Variants in PTPRK observed in about 807,000 individuals in gnomAD.
The protein encoded by PTPRK is receptor-type tyrosine-protein phosphatase kappa.
Under a neutral mutation model 178.0 loss-of-function variants are expected in PTPRK, and 75 were observed. The ratio of observed to expected loss-of-function variants is 0.42; its 90% CI spans 0.35 to 0.51. The LOEUF (loss-of-function observed/expected upper bound fraction) is 0.51, where lower values mean the gene tolerates loss of function less well. Ranked by LOEUF, PTPRK falls within the 20% of genes least tolerant of loss-of-function variation. PTPRK has a pLI of 0.02. For missense variants in PTPRK, 1,441 were observed against 1,797.8 expected (o/e 0.80, Z 3.59); for synonymous variants, 637 against 620.6 (o/e 1.03, Z -0.39).
intron 13 of PTPRK, among the ~76,000 whole-genome samples, chr6:128,043,881 A>T (rs2114846088): frequency 6.6e-6 from 1 of 152,052 alleles, no homozygotes; most frequent in East Asian, 1.9e-4. Flanking sequence ...AGTATTCTGT[A>T]TATGACACAT....
At chr6:128,102,610 A>G (rs139278810) in intron 7 of PTPRK, among the ~76,000 whole-genome samples, 150 of 152,290 alleles carry the variant, frequency 9.8e-4, no homozygotes, top group African/African-American at 3.5e-3. Context: ...ATCTACTACT[A>G]TATCCATTCA....
chr6:128,270,763 T>C (rs1819681097), intron 3 of PTPRK, among the ~76,000 whole-genome samples: 1 of 151,578 alleles, frequency 6.6e-6, no homozygotes. Flanking sequence ...CAAAATGCTA[T>C]TCAGAAAATT....
chr6:127,977,107 G>A lies in PTPRK; in HGVS notation c.3712-53C>T, dbSNP rs565322057. 2,181 of 1,564,080 alleles carry A rather than the reference G, an allele frequency of 1.4e-3. 4 individuals carry two copies. Among genetic ancestry groups the A allele is most frequent in the Non-Finnish European group, 1.8e-3 (2,027 of 1,136,602 alleles). On this transcript the variant is annotated intron_variant, in intron 25 of 29. Coordinates refer to ENST00000368226, the MANE Select transcript of PTPRK (RefSeq NM_002844.4). ...ATATAAAAACTTAAAATGTATGATC[G>A]GTTGTACAAACAGATACAATACACT...
chr6:128,157,867 T>A (rs1292331676), intron 7 of PTPRK, among the ~76,000 whole-genome samples: 1 of 152,052 alleles, frequency 6.6e-6, no homozygotes, highest in Non-Finnish European at 1.5e-5. Flanking sequence ...TTGCAAAAAT[T>A]TTCTCCCATT....
At chr6:128,157,837 C>T (rs538087238) in intron 7 of PTPRK, among the ~76,000 whole-genome samples, 129 of 152,028 alleles carry the variant, frequency 8.5e-4, no homozygotes, top group African/African-American at 3.1e-3. Flanking sequence ...TGGATATTAG[C>T]CCTTTGTCAG....
chr6:128,431,686 T>C (rs1353548074), intron 1 of PTPRK, among the ~76,000 whole-genome samples: 1 of 152,226 alleles, frequency 6.6e-6, no homozygotes, highest in African/African-American at 2.4e-5. Flanking sequence ...TTTTTCTTTC[T>C]TCCTTTCTTA....
chr6:128,026,420 T>C (rs1232188073), intron 13 of PTPRK, among the ~76,000 whole-genome samples: 1 of 152,184 alleles, frequency 6.6e-6, no homozygotes, highest in Non-Finnish European at 1.5e-5. Flanking sequence ...GAAAGAGGGA[T>C]GAAAATCACT....
At chr6:128,276,185 A>G (rs1347685318) in intron 3 of PTPRK, among the ~76,000 whole-genome samples, 3 of 152,220 alleles carry the variant, frequency 2.0e-5, no homozygotes, top group South Asian at 4.1e-4. Context: ...TTGAGGCAAC[A>G]CATATAAAGT....
At chr6:128,435,325 G>A (rs942419046) in intron 1 of PTPRK, among the ~76,000 whole-genome samples, 1 of 152,146 alleles carries the variant, frequency 6.6e-6, no homozygotes, top group African/African-American at 2.4e-5. Context: ...GTTTGCAATG[G>A]ACATCCTGAC....
intron 29 of PTPRK, 57 bp downstream of exon 29, chr6:127,972,965 G>A: frequency 1.3e-6 from 2 of 1,524,442 alleles, no homozygotes; most frequent in Admixed American, 1.7e-5. Context: ...TCAATAAGTA[G>A]GTATATGACT....
At chr6:128,464,323 A>G (rs1486502794) in intron 1 of PTPRK, among the ~76,000 whole-genome samples, 1 of 151,788 alleles carries the variant, frequency 6.6e-6, no homozygotes, top group African/African-American at 2.4e-5. Context: ...GACATAAACT[A>G]GATGAAAGCT....
intron 2 of PTPRK, among the ~76,000 whole-genome samples, chr6:128,346,885 C>T (rs1832502199): frequency 6.6e-6 from 1 of 152,186 alleles, no homozygotes; most frequent in Middle Eastern, 3.4e-3. Flanking sequence ...TGCTTGCTAT[C>T]CCTATAAAAA....
intron 13 of PTPRK, among the ~76,000 whole-genome samples, chr6:128,021,619 A>G (rs1773529217): frequency 6.6e-6 from 1 of 152,160 alleles, no homozygotes; most frequent in South Asian, 2.1e-4. Context: ...CAGCCTGGGT[A>G]TCAGAGCGAG....
At chr6:128,329,151 C>T (rs1326308574) in intron 2 of PTPRK, among the ~76,000 whole-genome samples, 2 of 152,032 alleles carry the variant, frequency 1.3e-5, no homozygotes, top group Admixed American at 6.6e-5. Context: ...ATCTTTTTAT[C>T]GCTCTGCTCT....
chr6:128,173,512 T>A (rs541473124), intron 7 of PTPRK, among the ~76,000 whole-genome samples: 2 of 152,128 alleles, frequency 1.3e-5, no homozygotes, highest in African/African-American at 4.8e-5. Context: ...AATCTGTATA[T>A]CCTGCTGTCT....
intron 1 of PTPRK, among the ~76,000 whole-genome samples, chr6:128,492,265 C>T (rs527239305): frequency 4.5e-4 from 69 of 152,276 alleles, no homozygotes; most frequent in African/African-American, 1.6e-3. Flanking sequence ...GGTCTCAATG[C>T]TGATATCCCC....
rs752879067 is a variant in PTPRK, at chr6:127,973,145, C to T, written c.4146G>A (p.Gly1382=). 17 of 1,613,386 alleles carry T rather than the reference C, an allele frequency of 1.1e-5. No homozygotes were observed. Among genetic ancestry groups the T allele is most frequent in the Non-Finnish European group, 1.4e-5 (17 of 1,179,658 alleles). Residue 1382 remains glycine (G), a synonymous_variant, in exon 29 of 30, where the codon GGG becomes GGA. Coordinates refer to ENST00000368226, the MANE Select transcript of PTPRK (RefSeq NM_002844.4). The stretch of plus-strand genomic sequence containing the variant: ...CTATAGCACAGAACATGCCACTTCG[C>T]CCGCCACCATTTCTGAAAGCAAAGA... ...RTIIHCLNGG[G]RSGMFCAIGI...
intron 14 of PTPRK, among the ~76,000 whole-genome samples, chr6:128,007,043 T>A (rs1472054356): frequency 6.6e-6 from 1 of 150,846 alleles, no homozygotes; most frequent in Non-Finnish European, 1.5e-5. Flanking sequence ...TTTTCCATTA[T>A]TTTTATTATA....
intron 3 of PTPRK, among the ~76,000 whole-genome samples, chr6:128,250,711 T>G (rs559890690): frequency 6.6e-6 from 1 of 152,342 alleles, no homozygotes; most frequent in South Asian, 2.1e-4. Context: ...AAATTTCTGC[T>G]GATAGGCCCC....
Sources: gnomAD v4.1 joint callset for allele counts (sites outside exome capture counted in the v4.1 genomes callset) on GRCh38, gnomAD v4.1.1 for gene constraint, MANE v1.5 for transcripts, NCBI Gene and HGNC (gene_info 2026-07-23, HGNC 2026-07-21) for gene names.